The following PPARGC1A variants were observed in gnomAD, a reference collection of about 807,000 sequenced individuals.
The protein encoded by PPARGC1A is PPARG coactivator 1 alpha, also known as peroxisome proliferator-activated receptor gamma coactivator 1-alpha.
A neutral mutation model predicts 88.7 loss-of-function variants in PPARGC1A; 25 were observed. That is an observed-to-expected ratio of 0.28 (90% CI 0.21 to 0.39). The LOEUF is 0.39. Among genes scored for constraint, PPARGC1A ranks in the 10% least tolerant of loss-of-function variants. The pLI is 1.00. For missense variants in PPARGC1A, 880 were observed against 968.7 expected (o/e 0.91, Z 1.22); for synonymous variants, 363 against 355.6 (o/e 1.02, Z -0.24).
the PPARGC1A span, among the ~76,000 whole-genome samples, chr4:23,995,133 G>A: frequency 6.6e-6 from 1 of 152,112 alleles, no homozygotes; most frequent in African/African-American, 2.4e-5. Flanking sequence ...TCATGTCAAG[G>A]TGAAGGCTGC....
the PPARGC1A span, among the ~76,000 whole-genome samples, chr4:24,182,900 T>C: frequency 5.3e-5 from 8 of 152,196 alleles, no homozygotes; most frequent in African/African-American, 1.9e-4. Flanking sequence ...CACACCAGGC[T>C]GTCCTGCGTG....
At chr4:23,890,473 A>G (rs1717663931), upstream of PPARGC1A, among the ~76,000 whole-genome samples, 1 of 152,158 alleles carries the variant, frequency 6.6e-6, no homozygotes, top group South Asian at 2.1e-4. Flanking sequence ...GTATTCCCTA[A>G]GAACTCTTTA....
At chr4:24,388,376 CG>C in the PPARGC1A span, among the ~76,000 whole-genome samples, 2 of 152,054 alleles carry the variant, frequency 1.3e-5, no homozygotes, top group South Asian at 4.1e-4. Context: ...TTGGTGGGAG[CG>C]TAAATTAGTT....
chr4:23,866,714 G>A (rs59109286), intron 2 of PPARGC1A, among the ~76,000 whole-genome samples: 2 of 152,092 alleles, frequency 1.3e-5, no homozygotes, highest in Non-Finnish European at 2.9e-5. Context: ...AAACTTGTTC[G>A]GTACTGTGAA....
At chr4:23,916,507 T>C in the PPARGC1A span, among the ~76,000 whole-genome samples, 4 of 152,150 alleles carry the variant, frequency 2.6e-5, no homozygotes, top group Admixed American at 6.5e-5. Flanking sequence ...TGTGTGTTTA[T>C]GAAAACATAA....
At chr4:23,856,013 T>A (rs1396009090) in intron 2 of PPARGC1A, among the ~76,000 whole-genome samples, 1 of 152,224 alleles carries the variant, frequency 6.6e-6, no homozygotes, top group East Asian at 1.9e-4. Context: ...ACTAGTGTTA[T>A]GTCACTTGAA....
At chr4:24,244,368 A>G in the PPARGC1A span, among the ~76,000 whole-genome samples, 1 of 152,222 alleles carries the variant, frequency 6.6e-6, no homozygotes, top group Admixed American at 6.5e-5. Flanking sequence ...AGCATGTATC[A>G]TGTGACATAT....
chr4:23,877,537 C>CAAAAAAAAAAA (rs11354781), intron 2 of PPARGC1A, among the ~76,000 whole-genome samples: 4 of 49,868 alleles, frequency 8.0e-5, no homozygotes, highest in African/African-American at 9.6e-5. Context: ...GACTCCATCT[C>CAAAAAAAAAAA]AAAAAAAAAA....
At position 23,814,289 on chromosome 4, in the gene PPARGC1A, A is replaced by G. The variant is rs188074693; in HGVS notation, c.1194T>C (p.Ile398=). ...QSINSKTEIL[I]NISQELQDSR... The stretch of plus-strand genomic sequence containing the variant: ...AGTCTTGGAGCTCCTGTGATATATT[A>G]ATGAGTATTTCTGTTTTGGAATTAA... The change falls in exon 8 of 13, where the codon ATT becomes ATC. Residue 398 remains isoleucine (I), a synonymous_variant. Transcript: ENST00000264867. The G allele has an allele frequency of 6.2e-7, 1 of 1,614,014 alleles. No homozygotes were observed. The highest frequency in any genetic ancestry group is 1.3e-5 in the African/African-American group (1 of 75,012).
At chr4:24,055,847 G>A in the PPARGC1A span, among the ~76,000 whole-genome samples, 11 of 152,122 alleles carry the variant, frequency 7.2e-5, no homozygotes, top group Admixed American at 2.6e-4. Context: ...GCACCAAGTC[G>A]CATCTCAGCT....
At chr4:24,440,709 G>A in the PPARGC1A span, among the ~76,000 whole-genome samples, 1 of 152,160 alleles carries the variant, frequency 6.6e-6, no homozygotes, top group Non-Finnish European at 1.5e-5. Context: ...GGCTGAGGCA[G>A]GAGGATAGTT....
chr4:24,185,900 G>A, the PPARGC1A span, among the ~76,000 whole-genome samples: 1 of 148,732 alleles, frequency 6.7e-6, no homozygotes, highest in Non-Finnish European at 1.5e-5. Flanking sequence ...CTAAAACTTA[G>A]AGTATAATAA....
chr4:24,362,148 T>C, the PPARGC1A span, among the ~76,000 whole-genome samples: 2 of 152,208 alleles, frequency 1.3e-5, no homozygotes, highest in Non-Finnish European at 2.9e-5. Context: ...ACTATAGTCA[T>C]GGGTTCATTC....
chr4:24,136,784 G>A, the PPARGC1A span, among the ~76,000 whole-genome samples: 1 of 152,176 alleles, frequency 6.6e-6, no homozygotes, highest in Non-Finnish European at 1.5e-5. Flanking sequence ...TACTCAGCAT[G>A]TGACTGTATT....
chr4:23,908,279 G>T (rs552678481), upstream of PPARGC1A, among the ~76,000 whole-genome samples: 2 of 152,122 alleles, frequency 1.3e-5, no homozygotes, highest in South Asian at 4.2e-4. Flanking sequence ...AAAAATAGGC[G>T]AAATGCAGTA....
At chr4:23,945,441 C>G in the PPARGC1A span, among the ~76,000 whole-genome samples, 1 of 152,048 alleles carries the variant, frequency 6.6e-6, no homozygotes, top group African/African-American at 2.4e-5. Context: ...GGAAAAAAAC[C>G]AGTGCTGAGA....
At chr4:24,266,119 G>A in the PPARGC1A span, among the ~76,000 whole-genome samples, 1 of 152,184 alleles carries the variant, frequency 6.6e-6, no homozygotes, top group Non-Finnish European at 1.5e-5. Flanking sequence ...AGATGCCGGA[G>A]TTATTTTTGA....
At chr4:23,929,544 G>A in the PPARGC1A span, among the ~76,000 whole-genome samples, 1 of 152,246 alleles carries the variant, frequency 6.6e-6, no homozygotes, top group Non-Finnish European at 1.5e-5. Context: ...AGTGGTTCAA[G>A]TCCCTCTGCA....
At chr4:23,922,673 A>G in the PPARGC1A span, among the ~76,000 whole-genome samples, 1 of 152,172 alleles carries the variant, frequency 6.6e-6, no homozygotes, top group Non-Finnish European at 1.5e-5. Context: ...CCTGACAGAG[A>G]CAATGGAATG....
Sources: allele counts gnomAD v4.1 joint callset (sites outside exome capture counted in the v4.1 genomes callset), GRCh38; gene constraint gnomAD v4.1.1; transcripts MANE v1.5; gene names NCBI Gene and HGNC (gene_info 2026-07-23, HGNC 2026-07-21).